Variants in DAB1 observed in about 807,000 individuals in gnomAD.
DAB1 encodes disabled homolog 1.
In DAB1, 15 loss-of-function variants were observed where a neutral mutation model predicts 64.6. That is an observed-to-expected ratio of 0.23 (90% confidence interval 0.16 to 0.36). The LOEUF (loss-of-function observed/expected upper bound fraction) is 0.36. Ranked by LOEUF, DAB1 falls within the 10% of genes least tolerant of loss-of-function variation. The pLI is 1.00. For missense variants in DAB1, 596 were observed against 706.7 expected (o/e 0.84, Z 1.78); for synonymous variants, 235 against 251.9 (o/e 0.93, Z 0.64).
chr1:57,643,395 A>C (rs141850950), intron 7 of DAB1, among the ~76,000 whole-genome samples: 11 of 152,228 alleles, frequency 7.2e-5, no homozygotes, highest in African/African-American at 2.6e-4. Flanking sequence ...TCTCTTACTT[A>C]TAGCTTTTAG....
chr1:57,533,935 G>A (rs1373606252), intron 7 of DAB1, among the ~76,000 whole-genome samples: 1 of 152,058 alleles, frequency 6.6e-6, no homozygotes, highest in Non-Finnish European at 1.5e-5. Flanking sequence ...CAATTCTATT[G>A]TAAATACTGA....
chr1:58,246,354 C>T (rs1047645038), intron 4 of DAB1, among the ~76,000 whole-genome samples: 7 of 152,152 alleles, frequency 4.6e-5, no homozygotes, highest in Non-Finnish European at 7.4e-5. Flanking sequence ...TAACACAGCA[C>T]TTCAAGAGGG....
At chr1:57,945,779 C>G (rs1645175975) in intron 5 of DAB1, among the ~76,000 whole-genome samples, 1 of 152,126 alleles carries the variant, frequency 6.6e-6, no homozygotes, top group South Asian at 2.1e-4. Context: ...TTTCCAAAGC[C>G]TACCTGTCAA....
In DAB1 at chr1:58,207,594, G is replaced by A. The variant is rs1658345262; in HGVS notation, n.310-57006C>T. Among the ~76,000 whole-genome samples the A allele has an allele frequency of 2.0e-5, 3 of 152,320 alleles. No homozygotes were observed. The South Asian group carries it at 6.2e-4, about 32-fold the overall frequency. On this transcript the variant is annotated intron_variant and non_coding_transcript_variant, in intron 4 of 20. Transcript: ENST00000485760. ...CAGCCATCCTGGTTTACCTGTGACT[G>A]TCCTGGTTTTAATACTGGAAGCCCC...
chr1:57,858,057 T>C (rs1653840867), intron 1 of DAB1, among the ~76,000 whole-genome samples: 2 of 152,046 alleles, frequency 1.3e-5, no homozygotes, highest in Non-Finnish European at 1.5e-5. Context: ...CTCTTAATTA[T>C]GTCACTTTTC....
intron 7 of DAB1, among the ~76,000 whole-genome samples, chr1:57,444,877 G>A (rs1220905098): frequency 6.6e-6 from 1 of 152,182 alleles, no homozygotes; most frequent in African/African-American, 2.4e-5. Context: ...CGTGTTTGTG[G>A]TAGTTTATTA....
chr1:57,887,360 C>A (rs1644239124), upstream of DAB1, among the ~76,000 whole-genome samples: 2 of 97,678 alleles, frequency 2.0e-5, no homozygotes, highest in Admixed American at 1.1e-4. Context: ...GCCAGGTACT[C>A]ACTGTCTATT....
intron 3 of DAB1, among the ~76,000 whole-genome samples, chr1:58,410,211 C>T (rs886991107): frequency 6.6e-6 from 1 of 152,176 alleles, no homozygotes; most frequent in Non-Finnish European, 1.5e-5. Context: ...AGATGCCATG[C>T]GGCTTTATGA....
chr1:57,422,970 T>C (rs1205910851), intron 1 of DAB1, among the ~76,000 whole-genome samples: 2 of 152,236 alleles, frequency 1.3e-5, no homozygotes, highest in Admixed American at 6.5e-5. Context: ...GGCAGGGTCC[T>C]GGCTGCAGCA....
At chr1:57,494,263 T>A (rs1220355922) in intron 7 of DAB1, among the ~76,000 whole-genome samples, 3 of 152,114 alleles carry the variant, frequency 2.0e-5, no homozygotes, top group African/African-American at 7.2e-5. Flanking sequence ...ATTTTTTTTT[T>A]TTTACATTCT....
intron 1 of DAB1, among the ~76,000 whole-genome samples, chr1:57,874,744 G>T (rs937724753): frequency 2.0e-5 from 3 of 152,130 alleles, no homozygotes; most frequent in African/African-American, 7.2e-5. Context: ...CATTTTCCCA[G>T]ACTGGCTTGA....
At chr1:57,332,744 T>A (rs560401032) in intron 1 of DAB1, among the ~76,000 whole-genome samples, 1 of 152,300 alleles carries the variant, frequency 6.6e-6, no homozygotes, top group South Asian at 2.1e-4. Flanking sequence ...TTTAAAAAAA[T>A]GGAGACTGAG....
chr1:57,025,992 T>A lies in DAB1; in HGVS notation c.775A>T (p.Thr259Ser), dbSNP rs761020175. Residue 259 changes from threonine (T) to serine (S), a missense_variant, in exon 10 of 15, where the codon ACC (threonine) becomes TCC (serine). Thr to Ser is a moderately conservative substitution (Grantham distance 58). This residue lies in a region of DAB1 where 377 missense variants were observed against 400.4 expected (regional missense o/e 0.94). Coordinates refer to ENST00000371236, the MANE Select transcript of DAB1 (RefSeq NM_001365792.1). ...CAATGCATACTTACGGGGGGAGAGG[T>A]TATATCAGGGGGTGTGGACATGTCC... ...FGDMSTPPDI[T>S]SPPTPATPGD... The A allele has an allele frequency of 1.9e-6, 3 of 1,582,830 alleles. No individual in the cohort carries two copies. The South Asian group carries it at 3.5e-5, about 19-fold the overall frequency.
intron 5 of DAB1, among the ~76,000 whole-genome samples, chr1:57,909,777 G>A (rs1297281504): frequency 6.6e-6 from 1 of 152,134 alleles, no homozygotes; most frequent in African/African-American, 2.4e-5. Flanking sequence ...AATTAAAACT[G>A]TATCTTGATA....
chr1:57,170,579 A>T (rs1361150694), intron 2 of DAB1, among the ~76,000 whole-genome samples: 1 of 152,140 alleles, frequency 6.6e-6, no homozygotes, highest in African/African-American at 2.4e-5. Context: ...AGATTCAGGG[A>T]GGTGCAGGGG....
At chr1:58,323,216 G>A (rs1429321637) in intron 4 of DAB1, among the ~76,000 whole-genome samples, 1 of 149,006 alleles carries the variant, frequency 6.7e-6, no homozygotes, top group African/African-American at 2.5e-5. Context: ...TTGTGCACAT[G>A]TACCTTAGAA....
At chr1:57,309,269 C>A (rs1674464380) in intron 1 of DAB1, among the ~76,000 whole-genome samples, 2 of 152,154 alleles carry the variant, frequency 1.3e-5, no homozygotes, top group South Asian at 4.1e-4. Context: ...GCTAGGTCAC[C>A]TGATCTTTAG....
At chr1:58,051,170 G>A (rs1647632604) in intron 5 of DAB1, among the ~76,000 whole-genome samples, 1 of 151,956 alleles carries the variant, frequency 6.6e-6, no homozygotes, top group African/African-American at 2.4e-5. Flanking sequence ...TTTACATTAG[G>A]TATTTCTCCT....
At chr1:57,023,347 T>C (rs910877187) in intron 11 of DAB1, among the ~76,000 whole-genome samples, 184 bp downstream of exon 11, 1 of 152,170 alleles carries the variant, frequency 6.6e-6, no homozygotes, top group Non-Finnish European at 1.5e-5. Context: ...TCCAGGCCAG[T>C]AACATCCCAG....
Sources: gnomAD v4.1 joint callset for allele counts (sites outside exome capture counted in the v4.1 genomes callset) on GRCh38, gnomAD v4.1.1 for gene constraint, gnomAD v4.1.1 regional missense constraint, MANE v1.5 for transcripts, NCBI Gene and HGNC (gene_info 2026-07-23, HGNC 2026-07-21) for gene names.